DPYD: variants seen among roughly 807,000 people sequenced by gnomAD.
DPYD encodes dihydropyrimidine dehydrogenase.
DPYD carries 109 observed loss-of-function variants against 116.2 expected under a neutral mutation model. The ratio of observed to expected loss-of-function variants is 0.94; its 90% CI spans 0.80 to 1.10. DPYD has a LOEUF of 1.10. DPYD is among the 50% of genes least tolerant of loss of function. DPYD has a pLI of 0.00. For missense variants in DPYD, 1,302 were observed against 1,254.5 expected, an observed-to-expected ratio of 1.04 and a Z score of -0.57; for synonymous variants, 440 against 432.0, an observed-to-expected ratio of 1.02 and a Z score of -0.23.
intron 2 of DPYD, among the ~76,000 whole-genome samples, chr1:97,860,000 A>G (rs756810493): frequency 6.6e-6 from 1 of 151,944 alleles, no homozygotes; most frequent in Non-Finnish European, 1.5e-5. Flanking sequence ...TTTTTCTCTG[A>G]TAGATCAAAC....
chr1:97,769,479 A>G (rs1666037959), intron 3 of DPYD, among the ~76,000 whole-genome samples: 1 of 152,166 alleles, frequency 6.6e-6, no homozygotes, highest in South Asian at 2.1e-4. Flanking sequence ...TAATTATAAG[A>G]TGATTTGTGG....
At chr1:97,751,458 G>GTATA (rs1345170970) in intron 3 of DPYD, among the ~76,000 whole-genome samples, 519 of 21,930 alleles carry the variant, frequency 0.024, 2 homozygotes, top group Non-Finnish European at 0.035. Flanking sequence ...GTGTGTGTGT[G>GTATA]TGTATATATA....
chr1:97,730,900 G>C (rs1451987505), intron 4 of DPYD, among the ~76,000 whole-genome samples: 1 of 151,792 alleles, frequency 6.6e-6, no homozygotes, highest in Non-Finnish European at 1.5e-5. Flanking sequence ...AAAGCATTGG[G>C]TATTGAAAGA....
At position 97,872,916 on chromosome 1, in the gene DPYD, C is replaced by A. The variant is rs75924007; in HGVS notation, c.150+10348G>T. Reference sequence around the variant, plus strand: ...CTTAACTTCAATCAGTATGCTCCCCCATCTTCGGACTTTCAGATACAAGTT... The same window carrying A: ...CTTAACTTCAATCAGTATGCTCCCCAATCTTCGGACTTTCAGATACAAGTT... On this transcript the variant is annotated intron_variant, in intron 2 of 22. Transcript: ENST00000370192. 1.8e-4 allele frequency among the ~76,000 whole-genome samples: 28 copies of A among 152,040 alleles called. No individual in the cohort carries two copies. The East Asian group carries it at 2.9e-3, about 16-fold the overall frequency.
At chr1:97,833,617 TCTAGAGCTATCAACAAGATTAA>T (rs1669632885) in intron 2 of DPYD, among the ~76,000 whole-genome samples, 2 of 152,088 alleles carry the variant, frequency 1.3e-5, no homozygotes, top group South Asian at 4.1e-4. Context: ...ATACTTACCT[TCTAGAGCTATCAACAAGATTAA>T]ATGAGGTAAT....
intron 8 of DPYD, among the ~76,000 whole-genome samples, chr1:97,654,988 A>C (rs888511323): frequency 1.3e-5 from 2 of 152,140 alleles, no homozygotes; most frequent in African/African-American, 4.8e-5. Context: ...ATTCATAACC[A>C]CAAGAACAGT....
chr1:97,478,744 G>A (rs577317934), intron 13 of DPYD, among the ~76,000 whole-genome samples: 17 of 152,202 alleles, frequency 1.1e-4, no homozygotes, highest in Non-Finnish European at 2.1e-4. Context: ...AAAAGTCCTA[G>A]ATGGCATCTT....
At chr1:97,084,218 A>G (rs956329088) in intron 21 of DPYD, among the ~76,000 whole-genome samples, 3 of 151,968 alleles carry the variant, frequency 2.0e-5, no homozygotes, top group African/African-American at 7.3e-5. Context: ...AACACCATGC[A>G]CTTCAGCTAC....
intron 3 of DPYD, among the ~76,000 whole-genome samples, chr1:97,783,765 A>T (rs941463075): frequency 6.6e-6 from 1 of 152,250 alleles, no homozygotes; most frequent in Non-Finnish European, 1.5e-5. Flanking sequence ...AGACAAAAAA[A>T]GTTGCAGATT....
At chr1:97,556,013 C>G (rs142623637) in intron 11 of DPYD, among the ~76,000 whole-genome samples, 1 of 152,164 alleles carries the variant, frequency 6.6e-6, no homozygotes, top group Non-Finnish European at 1.5e-5. Context: ...GGTTCCAGGT[C>G]GCCAAGTCCA....
intron 20 of DPYD, among the ~76,000 whole-genome samples, chr1:97,155,882 T>A (rs958513098): frequency 1.3e-5 from 2 of 152,288 alleles, no homozygotes; most frequent in Middle Eastern, 3.4e-3. Flanking sequence ...GTATTATCTG[T>A]TCTAGTACTT....
At chr1:97,771,356 C>G (rs151106948) in intron 3 of DPYD, among the ~76,000 whole-genome samples, 1 of 152,230 alleles carries the variant, frequency 6.6e-6, no homozygotes, top group African/African-American at 2.4e-5. Flanking sequence ...CTTCAATGAG[C>G]TATTTCACAT....
chr1:97,362,877 C>G (rs1311808680), intron 16 of DPYD, among the ~76,000 whole-genome samples: 3 of 152,178 alleles, frequency 2.0e-5, no homozygotes, highest in Admixed American at 6.5e-5. Context: ...CAATACCAAT[C>G]AGGACACAGG....
intron 2 of DPYD, among the ~76,000 whole-genome samples, chr1:97,852,514 A>G (rs1403637709): frequency 6.6e-6 from 1 of 152,150 alleles, no homozygotes; most frequent in Non-Finnish European, 1.5e-5. Context: ...TATTACAGTA[A>G]TTCTTATTGT....
intron 20 of DPYD, among the ~76,000 whole-genome samples, chr1:97,162,478 A>G (rs1357291132): frequency 6.6e-6 from 1 of 152,202 alleles, no homozygotes; most frequent in Non-Finnish European, 1.5e-5. Flanking sequence ...ATGAAATAAA[A>G]GAGGATACAA....
At chr1:97,204,308 G>C (rs772906621) in intron 19 of DPYD, among the ~76,000 whole-genome samples, 3 of 151,858 alleles carry the variant, frequency 2.0e-5, no homozygotes, top group Non-Finnish European at 4.4e-5. Context: ...TTGTATGCTA[G>C]TTTTTTTTGG....
At chr1:97,537,977 G>C (rs747281383) in intron 12 of DPYD, among the ~76,000 whole-genome samples, 2 of 151,610 alleles carry the variant, frequency 1.3e-5, no homozygotes, top group Non-Finnish European at 2.9e-5. Context: ...TGAGGCCAGA[G>C]AATCGCTTGA....
intron 5 of DPYD, chr1:97,720,144 T>C (rs75848562): frequency 0.023 from 22,591 of 982,784 alleles, 283 homozygotes; most frequent in Non-Finnish European, 0.025. Flanking sequence ...TGTCTCTCTC[T>C]CTCTTTCTCT....
chr1:97,712,857 C>A (rs934700841), intron 5 of DPYD, among the ~76,000 whole-genome samples: 6 of 152,068 alleles, frequency 3.9e-5, no homozygotes, highest in Admixed American at 1.3e-4. Context: ...CTCTGTACAG[C>A]AGTTGCACCT....
Sources: gnomAD v4.1 joint callset for allele counts (sites outside exome capture counted in the v4.1 genomes callset) on GRCh38, gnomAD v4.1.1 for gene constraint, MANE v1.5 for transcripts, NCBI Gene and HGNC (gene_info 2026-07-23, HGNC 2026-07-21) for gene names.